FAAH2: variants seen among roughly 807,000 people sequenced by gnomAD.
FAAH2 encodes fatty-acid amide hydrolase 2.
Under a neutral mutation model 36.9 loss-of-function variants are expected in FAAH2, and 60 were observed. The observed-to-expected ratio is 1.63, with a 90% confidence interval of 1.32 to 2.02. The LOEUF (loss-of-function observed/expected upper bound fraction) is 2.02, where lower values mean the gene tolerates loss of function less well. Among genes scored for constraint, FAAH2 ranks in the 30% most tolerant of loss-of-function variants. The probability of loss-of-function intolerance (pLI) is 0.00; values close to 1 mark genes in which losing one functional copy is unlikely to be tolerated. For synonymous variants in FAAH2, 214 were observed against 143.8 expected (o/e 1.49, Z -3.49); for missense variants, 689 against 397.5 (o/e 1.73, Z -6.23).
rs148907702 is a variant in FAAH2 at position 57,378,746 on chromosome X, G to A, written c.838G>A (p.Ala280Thr). 7.4e-6 allele frequency: 9 copies of A among 1,210,140 alleles called. No homozygotes were observed. Among genetic ancestry groups the A allele is most frequent in the Admixed American group, 6.5e-5 (3 of 45,808 alleles). Residue 280 changes from alanine to threonine, a missense_variant, in exon 6 of 11, where the codon GCC (alanine) becomes ACC (threonine). By Grantham distance (58) the Ala-to-Thr change is moderately conservative. Transcript: ENST00000374900. The stretch of plus-strand genomic sequence containing the variant: ...TATGTGCCGTTATGCTGAAGACCTG[G>A]CCCCCATGTTGAAGGTCATGGCAGG... ...GPMCRYAEDL[A>T]PMLKVMAGPG...
chrX:57,394,475 C>A (rs1310575285), intron 7 of FAAH2: 1 of 1,200,476 alleles, frequency 8.3e-7, no homozygotes, highest in East Asian at 3.0e-5. Context: ...TTTACAAGAT[C>A]GTGATATATC....
chrX:57,386,008 T>C (rs919165526), intron 7 of FAAH2, among the ~76,000 whole-genome samples: 1 of 112,029 alleles, frequency 8.9e-6, no homozygotes, highest in African/African-American at 3.2e-5. Context: ...AGGGAAAATG[T>C]AATTCATATA....
At chrX:57,139,620 A>AT in the FAAH2 span, among the ~76,000 whole-genome samples, 138 of 110,502 alleles carry the variant, frequency 1.2e-3, 1 homozygote, top group Non-Finnish European at 2.2e-3. Flanking sequence ...CACTGGGCTA[A>AT]TTTTTTTGTA....
chrX:57,367,926 G>T (rs965681747), intron 5 of FAAH2, among the ~76,000 whole-genome samples: 2 of 111,887 alleles, frequency 1.8e-5, no homozygotes. Context: ...CTAAGCTGCT[G>T]CTGCACAGTG....
At chrX:57,388,973 T>C (rs1015987623) in intron 7 of FAAH2, among the ~76,000 whole-genome samples, 1 of 109,944 alleles carries the variant, frequency 9.1e-6, no homozygotes, top group African/African-American at 3.3e-5. Context: ...ATTTTAAGGA[T>C]GTGCCACCAT....
chrX:57,143,353 C>T, the FAAH2 span, among the ~76,000 whole-genome samples: 3 of 110,762 alleles, frequency 2.7e-5, no homozygotes, highest in East Asian at 2.8e-4. Flanking sequence ...CAACTTAACT[C>T]GGACGATGGT....
intron 2 of FAAH2, among the ~76,000 whole-genome samples, chrX:57,304,585 A>T (rs779846514): frequency 1.7e-4 from 19 of 112,217 alleles, no homozygotes; most frequent in Non-Finnish European, 2.8e-4. Context: ...CTGTGATTGC[A>T]CTAAACAAAT....
At chrX:57,431,319 G>T (rs1192063955) in intron 7 of FAAH2, among the ~76,000 whole-genome samples, 1 of 111,629 alleles carries the variant, frequency 9.0e-6, no homozygotes, top group Non-Finnish European at 1.9e-5. Context: ...CTTCTTCTCA[G>T]AGCTTAAGTT....
intron 2 of FAAH2, among the ~76,000 whole-genome samples, chrX:57,306,264 C>T (rs2052520414): frequency 9.0e-6 from 1 of 111,350 alleles, no homozygotes; most frequent in Admixed American, 9.6e-5. Context: ...ATGTGTAACA[C>T]TTAGAGTGCT....
At chrX:57,457,753 T>A (rs779781376) in intron 10 of FAAH2, among the ~76,000 whole-genome samples, 2 of 103,410 alleles carry the variant, frequency 1.9e-5, no homozygotes, top group East Asian at 3.0e-4. Context: ...GAGGTAAAGA[T>A]CTTTACAAGC....
At chrX:57,467,597 G>A (rs542610201) in intron 10 of FAAH2, among the ~76,000 whole-genome samples, 3 of 111,868 alleles carry the variant, frequency 2.7e-5, no homozygotes, top group African/African-American at 6.5e-5. Flanking sequence ...AAACAAAGCA[G>A]CCAGGAATCT....
chrX:57,380,895 T>A lies in FAAH2; in HGVS notation c.879-17T>A. 1 of 1,034,066 alleles carries A rather than the reference T, an allele frequency of 9.7e-7. No homozygotes were observed. Among genetic ancestry groups the A allele is most frequent in the Non-Finnish European group, 1.3e-6 (1 of 756,705 alleles). The allele number at this position is 1,034,066 out of a possible 1,213,427, so 85.2% of individuals were successfully genotyped here. ...TAAATAATTTGTTGATGTCAGTTTC[T>A]TTTTAATCCTACACAGGTTAAAACT... On this transcript the variant is annotated splice_polypyrimidine_tract_variant and intron_variant, in intron 6 of 10. Transcript: ENST00000374900.
chrX:57,246,781 T>C, the FAAH2 span, among the ~76,000 whole-genome samples: 8 of 111,628 alleles, frequency 7.2e-5, no homozygotes, highest in African/African-American at 2.6e-4. Flanking sequence ...ACATGGTGAG[T>C]ATGCAGTAAA....
At chrX:57,252,734 G>A in the FAAH2 span, among the ~76,000 whole-genome samples, 1 of 111,876 alleles carries the variant, frequency 8.9e-6, no homozygotes, top group African/African-American at 3.3e-5. Flanking sequence ...ACAAAAGGAC[G>A]TCTACACCAA....
chrX:57,424,841 T>G (rs1022039377), intron 7 of FAAH2, among the ~76,000 whole-genome samples: 1 of 111,860 alleles, frequency 8.9e-6, no homozygotes, highest in Non-Finnish European at 1.9e-5. Flanking sequence ...TGTTATGACA[T>G]TCCCAAACAA....
chrX:57,395,222 C>G, intron 7 of FAAH2: 1 of 583,744 alleles, frequency 1.7e-6, no homozygotes, highest in Non-Finnish European at 3.0e-6. Flanking sequence ...GCTTTCATCC[C>G]AATCTCTTCA....
At chrX:57,136,191 A>G in the FAAH2 span, 12 of 1,207,839 alleles carry the variant, frequency 9.9e-6, no homozygotes, top group African/African-American at 1.8e-5. Context: ...TCCCTCAAAC[A>G]TGTGTTCCAC....
At chrX:57,466,329 A>G (rs2057050191) in intron 10 of FAAH2, among the ~76,000 whole-genome samples, 2 of 107,133 alleles carry the variant, frequency 1.9e-5, no homozygotes, top group African/African-American at 6.7e-5. Flanking sequence ...TAAATCAGTC[A>G]CTAAAAATAC....
At chrX:57,376,207 T>C (rs774470142) in intron 5 of FAAH2, among the ~76,000 whole-genome samples, 1 of 111,605 alleles carries the variant, frequency 9.0e-6, no homozygotes, top group Non-Finnish European at 1.9e-5. Flanking sequence ...TTCTCCCTTT[T>C]TCTTGATAAG....
Sources: gnomAD v4.1 joint callset for allele counts (sites outside exome capture counted in the v4.1 genomes callset) on GRCh38, gnomAD v4.1.1 for gene constraint, MANE v1.5 for transcripts, NCBI Gene and HGNC (gene_info 2026-07-23, HGNC 2026-07-21) for gene names.